CCDC134: variants seen among roughly 807,000 people sequenced by gnomAD.
CCDC134 encodes coiled-coil domain-containing protein 134.
Under a neutral mutation model 25.6 loss-of-function variants are expected in CCDC134, and 27 were observed. The ratio of observed to expected loss-of-function variants is 1.05; its 90% CI spans 0.78 to 1.45. The LOEUF (loss-of-function observed/expected upper bound fraction) is 1.45, where lower values mean the gene tolerates loss of function less well. CCDC134 is among the 40% of genes most tolerant of loss of function. CCDC134 has a pLI of 0.00. For missense variants in CCDC134, 261 were observed against 286.7 expected (o/e 0.91, Z 0.65); for synonymous variants, 110 against 115.0 (o/e 0.96, Z 0.28).
chr22:41,806,528 A>G (rs1275075504), intron 1 of CCDC134, among the ~76,000 whole-genome samples: 1 of 151,886 alleles, frequency 6.6e-6, no homozygotes, highest in African/African-American at 2.4e-5. Context: ...CCCCATGGTT[A>G]AAAATCTAAT....
At chr22:41,818,614 G>A (rs12161045) in intron 6 of CCDC134, among the ~76,000 whole-genome samples, 5 of 152,304 alleles carry the variant, frequency 3.3e-5, no homozygotes, top group African/African-American at 1.2e-4. Flanking sequence ...CCTGTGAATC[G>A]AGGGTCCTGT....
rs756650677 is a variant in CCDC134, at chr22:41,825,806, T to A, written c.673T>A (p.Ser225Thr). 3 of 1,613,966 alleles carry A rather than the reference T, an allele frequency of 1.9e-6. No individual in the cohort carries two copies. Among genetic ancestry groups the A allele is most frequent in the Admixed American group, 1.7e-5 (1 of 60,000 alleles). The stretch of plus-strand genomic sequence containing the variant: ...CCGAAAAGGCCCAAGGATCTCCAGA[T>A]CCCAGTCTGAGTTATAGCCCTGGAG... ...EIRKGPRISRSQSEL is the reference protein window; with the variant it reads ...EIRKGPRISRTQSEL The change falls in exon 7 of 7, where the codon TCC becomes ACC. Residue 225 changes from serine to threonine, a missense_variant. Physicochemically the swap from Ser to Thr is moderately conservative, Grantham distance 58. Transcript: ENST00000255784. This position sits in a 1 kb window ranked among gnomAD's most constrained non-coding sequence, Gnocchi z 4.4.
chr22:41,815,785 C>G (rs8137282), intron 6 of CCDC134, among the ~76,000 whole-genome samples: 4,001 of 152,166 alleles, frequency 0.026, 86 homozygotes, highest in Non-Finnish European at 0.042. Context: ...GCTGGGACGA[C>G]AGGCCTGTGC....
Position 41,812,978 on chromosome 22 carries a change from G to A in CCDC134, c.311-286G>A, listed in dbSNP as rs117825868. On this transcript the variant is annotated intron_variant, in intron 4 of 6. Coordinates refer to ENST00000255784, the MANE Select transcript of CCDC134 (RefSeq NM_024821.5). Reference sequence around the variant, plus strand: ...TTGGGCTGACGGACCTGGGTTTGCAGCCCAGATTTGCTACTCACTAGCTGC... The same window carrying A: ...TTGGGCTGACGGACCTGGGTTTGCAACCCAGATTTGCTACTCACTAGCTGC... Among the ~76,000 whole-genome samples the A allele has an allele frequency of 1.3e-3, 191 of 152,294 alleles. 8 individuals are homozygous for A. In the East Asian group the frequency reaches 0.035, roughly 28 times the overall value.
chr22:41,813,756 C>G lies in CCDC134; in HGVS notation c.498C>G (p.Ala166=). 6.2e-7 allele frequency: 1 copy of G among 1,614,098 alleles called. No homozygotes were observed. ...TAGTGTTTCTTCATCTGCAGATGGC[C>G]CAGGAGCTGGGGATCAGTGAGAAAG... is the stretch of plus-strand genomic sequence containing the variant. ...GPHSPILSLM[A]QELGISEKDS... Residue 166 remains alanine, a synonymous_variant, in exon 6 of 7, where the codon GCC becomes GCG. Coordinates refer to ENST00000255784, the MANE Select transcript of CCDC134 (RefSeq NM_024821.5).
At position 41,825,984 on chromosome 22, in the gene CCDC134, G is replaced by C; in HGVS notation, c.*161G>C. Reference sequence around the variant, plus strand: ...GCTGGGTCTGAGCCCCAGCTGAAGGGACTGAGCCTCAGATGGCTGGATTTT... The same window carrying C: ...GCTGGGTCTGAGCCCCAGCTGAAGGCACTGAGCCTCAGATGGCTGGATTTT... On this transcript the variant is annotated 3_prime_UTR_variant, in exon 7 of 7. Coordinates refer to ENST00000255784, the MANE Select transcript of CCDC134 (RefSeq NM_024821.5). This position sits in a 1 kb window ranked among gnomAD's most constrained non-coding sequence, Gnocchi z 4.4. 1.0e-6 allele frequency: 1 copy of C among 968,990 alleles called. No homozygotes were observed. The highest frequency in any genetic ancestry group is 1.5e-6 in the Non-Finnish European group (1 of 648,722). The allele number at this position is 968,990 out of a possible 1,614,324, so 60.0% of individuals were successfully genotyped here. A position where few individuals can be genotyped will look rare whatever the true frequency, so the allele number is the denominator to read the frequency against.
intron 6 of CCDC134, among the ~76,000 whole-genome samples, chr22:41,821,486 CCA>C (rs2076651620): frequency 6.6e-6 from 1 of 150,550 alleles, no homozygotes; most frequent in African/African-American, 2.5e-5. Flanking sequence ...CCACCAGTCC[CCA>C]GAGTGTGATG....
intron 6 of CCDC134, among the ~76,000 whole-genome samples, chr22:41,816,772 T>G (rs1291288370): frequency 5.3e-5 from 8 of 151,898 alleles, no homozygotes; most frequent in Admixed American, 1.3e-4. Flanking sequence ...ACAAAAATTA[T>G]CCGGGTGTGG....
At chr22:41,802,738 C>A (rs2076549755) in intron 1 of CCDC134, among the ~76,000 whole-genome samples, 1 of 151,942 alleles carries the variant, frequency 6.6e-6, no homozygotes. Flanking sequence ...CACGGTGAAA[C>A]CCCATCTCAA....
chr22:41,827,443 G>A lies in CCDC134; in HGVS notation c.*1620G>A, dbSNP rs533200659. On this transcript the variant is annotated 3_prime_UTR_variant, in exon 7 of 7. Transcript: ENST00000255784. ...AGTGGAGGGTGTCCAGGTTCTTGATGTCTTGAACAAAGAATTGGGCAAAAT... is the reference window on the plus strand; with the variant it reads ...AGTGGAGGGTGTCCAGGTTCTTGATATCTTGAACAAAGAATTGGGCAAAAT... 6.0e-4 allele frequency among the ~76,000 whole-genome samples: 92 copies of A among 152,278 alleles called. No individual in the cohort carries two copies. The highest frequency in any genetic ancestry group is 1.2e-3 in the Non-Finnish European group (85 of 68,028).
At chr22:41,811,735 G>C (rs1403385428) in intron 4 of CCDC134, among the ~76,000 whole-genome samples, 1 of 152,158 alleles carries the variant, frequency 6.6e-6, no homozygotes, top group Non-Finnish European at 1.5e-5. Flanking sequence ...CCGGCCAAAA[G>C]TATTGTTTAT....
At chr22:41,804,164 TG>T (rs2148303103) in intron 1 of CCDC134, among the ~76,000 whole-genome samples, 1 of 152,238 alleles carries the variant, frequency 6.6e-6, no homozygotes, top group Non-Finnish European at 1.5e-5. Context: ...AGTCTCAAAA[TG>T]ATATGGAATC....
intron 4 of CCDC134, among the ~76,000 whole-genome samples, 189 bp downstream of exon 4, chr22:41,810,480 A>G (rs1247340911): frequency 1.3e-5 from 2 of 149,714 alleles, no homozygotes; most frequent in African/African-American, 4.9e-5. Context: ...CTTTTTAGCA[A>G]TAGCATTTCT....
chr22:41,806,157 C>T (rs1177924762), intron 1 of CCDC134, among the ~76,000 whole-genome samples: 1 of 150,608 alleles, frequency 6.6e-6, no homozygotes, highest in Non-Finnish European at 1.5e-5. Context: ...ATCAGAACCA[C>T]AGATGACAAA....
intron 6 of CCDC134, among the ~76,000 whole-genome samples, chr22:41,824,354 G>A (rs2076666046): frequency 6.6e-6 from 1 of 152,226 alleles, no homozygotes; most frequent in Admixed American, 6.5e-5. Context: ...GGGGATATGA[G>A]GGTAGGAACA....
intron 6 of CCDC134, among the ~76,000 whole-genome samples, chr22:41,815,484 C>T (rs2059869469): frequency 2.6e-5 from 4 of 151,960 alleles, no homozygotes; most frequent in Admixed American, 1.3e-4. Flanking sequence ...GGATTACAAG[C>T]GTGAGCCACC....
chr22:41,804,785 A>G (rs557561679), intron 1 of CCDC134, among the ~76,000 whole-genome samples: 1 of 152,362 alleles, frequency 6.6e-6, no homozygotes, highest in African/African-American at 2.4e-5. Flanking sequence ...ATAAGAGAGA[A>G]CAGGCTGGGC....
rs762153967 is a variant in CCDC134, at chr22:41,813,298, C to T, written c.345C>T (p.Phe115=). The change falls in exon 5 of 7, where the codon TTC becomes TTT. Residue 115 remains phenylalanine (F), a synonymous_variant. Transcript: ENST00000255784. ...FSHVVENTAF[F]GDVVLRFPRI... is the part of the protein sequence containing the mutation. ...ACGTGGTGGAGAACACGGCCTTCTT[C>T]GGCGATGTGGTGCTGCGCTTCCCGA... is the stretch of plus-strand genomic sequence containing the variant. 18 of 1,614,182 alleles carry T rather than the reference C, an allele frequency of 1.1e-5. No individual in the cohort carries two copies. Among genetic ancestry groups the T allele is most frequent in the South Asian group, 3.3e-5 (3 of 91,080 alleles).
rs1268581774 is a variant in CCDC134, at chr22:41,808,299, C to T, written c.-16-576C>T. 2.6e-5 allele frequency among the ~76,000 whole-genome samples: 4 copies of T among 152,108 alleles called. No individual in the cohort carries two copies. In the East Asian group the frequency reaches 7.7e-4, roughly 29 times the overall value. On this transcript the variant is annotated intron_variant, in intron 1 of 6. Transcript: ENST00000255784. ...TACCCCGAGACTGCCCTGCCTTCCT[C>T]CCTGCCCTTTGTCCCTTCTTACTTT...
Sources: allele counts gnomAD v4.1 joint callset (sites outside exome capture counted in the v4.1 genomes callset), GRCh38; gene constraint gnomAD v4.1.1; non-coding constraint Gnocchi (gnomAD v3.1); transcripts MANE v1.5; gene names NCBI Gene and HGNC (gene_info 2026-07-23, HGNC 2026-07-21).